The following PIP5K1B variants were observed in gnomAD, a reference collection of about 807,000 sequenced individuals.
The protein encoded by PIP5K1B is phosphatidylinositol 4-phosphate 5-kinase type-1 beta.
A neutral mutation model predicts 67.0 loss-of-function variants in PIP5K1B; 42 were observed. The ratio of observed to expected loss-of-function variants is 0.63; its 90% CI spans 0.49 to 0.81. The LOEUF is 0.81. Ranked by LOEUF, PIP5K1B falls within the 30% of genes least tolerant of loss-of-function variation. PIP5K1B has a pLI of 0.00. For missense variants in PIP5K1B, 459 were observed against 646.3 expected (o/e 0.71, Z 3.14); for synonymous variants, 214 against 231.4 (o/e 0.92, Z 0.68).
intron 15 of PIP5K1B, among the ~76,000 whole-genome samples, chr9:69,007,674 A>T (rs34326137): frequency 0.094 from 14,288 of 152,122 alleles, 717 homozygotes; most frequent in South Asian, 0.15. Flanking sequence ...TGGCTAACAC[A>T]GTGAAACCCC....
intron 14 of PIP5K1B, among the ~76,000 whole-genome samples, chr9:68,970,126 TTCC>T (rs1226573471): frequency 6.6e-6 from 1 of 152,210 alleles, no homozygotes; most frequent in Non-Finnish European, 1.5e-5. Context: ...CAGAATCTAG[TTCC>T]TCAACTCTGA....
intron 15 of PIP5K1B, among the ~76,000 whole-genome samples, chr9:69,000,530 T>C (rs894261702): frequency 6.6e-6 from 1 of 152,160 alleles, no homozygotes; most frequent in Non-Finnish European, 1.5e-5. Flanking sequence ...GGTGGATTCC[T>C]TCTGAGGGCT....
chr9:68,780,970 T>A, intron 2 of PIP5K1B: 4 of 1,614,240 alleles, frequency 2.5e-6, no homozygotes, highest in Non-Finnish European at 3.4e-6. Context: ...GACTCTCCTG[T>A]GTCACCTGCC....
chr9:68,825,651 A>G (rs1482578137), intron 4 of PIP5K1B, among the ~76,000 whole-genome samples: 5 of 152,228 alleles, frequency 3.3e-5, no homozygotes, highest in Non-Finnish European at 5.9e-5. Context: ...AAGCCAGTCC[A>G]TGGATCCCAG....
intron 2 of PIP5K1B, among the ~76,000 whole-genome samples, chr9:68,769,675 T>G (rs911546279): frequency 6.6e-6 from 1 of 152,214 alleles, no homozygotes; most frequent in Non-Finnish European, 1.5e-5. Flanking sequence ...ACTCTAGGCT[T>G]TTGGTCCCAT....
At chr9:68,914,791 A>G (rs552779441) in intron 8 of PIP5K1B, among the ~76,000 whole-genome samples, 1 of 152,206 alleles carries the variant, frequency 6.6e-6, no homozygotes, top group Non-Finnish European at 1.5e-5. Flanking sequence ...TCAGCCATCC[A>G]GGCCATACCC....
chr9:68,857,149 C>G (rs922502418), intron 4 of PIP5K1B, among the ~76,000 whole-genome samples: 1 of 152,204 alleles, frequency 6.6e-6, no homozygotes, highest in Non-Finnish European at 1.5e-5. Flanking sequence ...ACCAGAGTCT[C>G]TGAAGGAACG....
At chr9:68,792,634 A>G (rs6560361) in intron 2 of PIP5K1B, among the ~76,000 whole-genome samples, 9,901 of 152,114 alleles carry the variant, frequency 0.065, 597 homozygotes, top group African/African-American at 0.16. Context: ...ACCCGCCACC[A>G]TGCCTGGCTA....
intron 4 of PIP5K1B, among the ~76,000 whole-genome samples, chr9:68,841,098 A>G (rs1344848652): frequency 6.6e-6 from 1 of 152,102 alleles, no homozygotes; most frequent in African/African-American, 2.4e-5. Context: ...CACTCCTTCC[A>G]TAAAATCGAT....
chr9:68,878,013 C>CTG (rs35871698), intron 6 of PIP5K1B, among the ~76,000 whole-genome samples: 29,300 of 141,866 alleles, frequency 0.21, 2,938 homozygotes, highest in South Asian at 0.27. Context: ...CGCATTTGTT[C>CTG]TGTGTGTGTG....
chr9:68,779,314 A>G (rs976851622), intron 2 of PIP5K1B, among the ~76,000 whole-genome samples: 2 of 152,204 alleles, frequency 1.3e-5, no homozygotes, highest in Non-Finnish European at 2.9e-5. Context: ...CTGTAAATCA[A>G]TAGCAATACC....
chr9:68,800,679 G>A (rs910294885), intron 2 of PIP5K1B, among the ~76,000 whole-genome samples: 1 of 152,202 alleles, frequency 6.6e-6, no homozygotes, highest in Admixed American at 6.5e-5. Context: ...TGTATCTGCT[G>A]TTGAAAAGGG....
intron 12 of PIP5K1B, among the ~76,000 whole-genome samples, chr9:68,931,754 C>T (rs917376971): frequency 1.3e-5 from 2 of 152,124 alleles, no homozygotes. Flanking sequence ...TGGAGGCAGT[C>T]GAGTGGCAGA....
At chr9:68,905,450 A>C (rs1416392184) in intron 8 of PIP5K1B, among the ~76,000 whole-genome samples, 2 of 152,204 alleles carry the variant, frequency 1.3e-5, no homozygotes, top group Non-Finnish European at 2.9e-5. Flanking sequence ...TGTTAGGGGC[A>C]GCAAACCCTG....
intron 2 of PIP5K1B, among the ~76,000 whole-genome samples, chr9:68,776,060 A>G (rs1481657839): frequency 4.6e-5 from 7 of 152,282 alleles, no homozygotes; most frequent in Non-Finnish European, 1.0e-4. Context: ...GTACAGCAAA[A>G]TATTTTTCCT....
At chr9:68,760,955 T>C in intron 2 of PIP5K1B, among the ~76,000 whole-genome samples, 1 of 152,114 alleles carries the variant, frequency 6.6e-6, no homozygotes, top group East Asian at 1.9e-4. Context: ...ATCTGGCAGA[T>C]AGTGATCATT....
Position 68,735,312 on chromosome 9 carries a change from G to A in PIP5K1B, c.-242-7189G>A, listed in dbSNP as rs576448756. ...TATTCAGATTTGCTGTTTTCCCCTA[G>A]TGTCTTTTTTTTTTTTTTTTTTTTT... On this transcript the variant is annotated intron_variant, in intron 1 of 15. Transcript: ENST00000265382. Among the ~76,000 whole-genome samples the A allele has an allele frequency of 2.9e-3, 87 of 29,504 alleles. 3 individuals are homozygous for A. In the East Asian group the frequency reaches 0.062, roughly 21 times the overall value. The allele number at this position is 29,504 out of a possible 152,430, so 19.4% of individuals were successfully genotyped here.
chr9:68,821,256 A>C (rs1833716490), intron 3 of PIP5K1B, among the ~76,000 whole-genome samples: 1 of 152,252 alleles, frequency 6.6e-6, no homozygotes, highest in Non-Finnish European at 1.5e-5. Context: ...ACCCTGTCTC[A>C]AAAACAAACA....
intron 14 of PIP5K1B, among the ~76,000 whole-genome samples, chr9:68,961,517 G>A (rs1234844472): frequency 6.6e-6 from 1 of 152,180 alleles, no homozygotes; most frequent in Non-Finnish European, 1.5e-5. Context: ...AGTTCAAAGT[G>A]CGTGGCTGGG....
Sources: allele counts gnomAD v4.1 joint callset (sites outside exome capture counted in the v4.1 genomes callset), GRCh38; gene constraint gnomAD v4.1.1; transcripts MANE v1.5; gene names NCBI Gene and HGNC (gene_info 2026-07-23, HGNC 2026-07-21).